The following FCHSD2 variants were observed in gnomAD, a reference collection of about 807,000 sequenced individuals.
The protein encoded by FCHSD2 is FCH and double SH3 domains 2, also known as F-BAR and double SH3 domains protein 2.
Under a neutral mutation model 108.1 loss-of-function variants are expected in FCHSD2, and 38 were observed. The ratio of observed to expected loss-of-function variants is 0.35; its 90% CI spans 0.27 to 0.46. FCHSD2 has a LOEUF of 0.46. Among genes scored for constraint, FCHSD2 ranks in the 20% least tolerant of loss-of-function variants. The probability of loss-of-function intolerance (pLI) is 1.00; values close to 1 mark genes in which losing one functional copy is unlikely to be tolerated. For missense variants in FCHSD2, 751 were observed against 897.8 expected, an observed-to-expected ratio of 0.84 and a Z score of 2.09; for synonymous variants, 279 against 314.7, an observed-to-expected ratio of 0.89 and a Z score of 1.20.
At chr11:73,045,254 A>G (rs1047682803) in intron 3 of FCHSD2, among the ~76,000 whole-genome samples, 1 of 151,822 alleles carries the variant, frequency 6.6e-6, no homozygotes, top group Non-Finnish European at 1.5e-5. Context: ...CGATCATTAA[A>G]AAGTCAGGAA....
At chr11:73,075,333 T>C (rs1198265282) in intron 3 of FCHSD2, among the ~76,000 whole-genome samples, 2 of 152,182 alleles carry the variant, frequency 1.3e-5, no homozygotes, top group Non-Finnish European at 2.9e-5. Flanking sequence ...ATTCATATAG[T>C]CACCAAAAGA....
At chr11:72,911,786 G>A (rs1381451984) in intron 9 of FCHSD2, among the ~76,000 whole-genome samples, 1 of 152,068 alleles carries the variant, frequency 6.6e-6, no homozygotes. Flanking sequence ...GCACAATCCT[G>A]GCTCACTGCA....
intron 3 of FCHSD2, among the ~76,000 whole-genome samples, chr11:73,030,305 A>G (rs980971106): frequency 3.3e-5 from 5 of 152,186 alleles, no homozygotes; most frequent in African/African-American, 1.2e-4. Context: ...AGTATGTATA[A>G]GAGAAAGTTC....
rs544271643 is a variant in FCHSD2, at chr11:72,908,039, C to T, written c.829-5401G>A. On this transcript the variant is annotated intron_variant, in intron 9 of 19. Coordinates refer to ENST00000409418, the MANE Select transcript of FCHSD2 (RefSeq NM_014824.3). Reference sequence around the variant, plus strand: ...CTCCCCCCACATCTGACTACCCTTCCCAGACTCTGGTAAACAACCTTCTAC... The same window carrying T: ...CTCCCCCCACATCTGACTACCCTTCTCAGACTCTGGTAAACAACCTTCTAC... 1.1e-4 allele frequency among the ~76,000 whole-genome samples: 17 copies of T among 152,312 alleles called. No individual in the cohort carries two copies. In the Middle Eastern group the frequency reaches 0.01, roughly 91 times the overall value.
intron 4 of FCHSD2, among the ~76,000 whole-genome samples, chr11:73,014,824 A>G (rs897462571): frequency 6.6e-6 from 1 of 151,974 alleles, no homozygotes; most frequent in Non-Finnish European, 1.5e-5. Context: ...ATACTTCCAA[A>G]TTGACCTCAA....
intron 2 of FCHSD2, among the ~76,000 whole-genome samples, chr11:73,098,900 A>G (rs1860152867): frequency 6.6e-6 from 1 of 152,198 alleles, no homozygotes; most frequent in Non-Finnish European, 1.5e-5. Context: ...ACGAAGAAAA[A>G]ACAGGTAAAA....
At chr11:73,114,484 C>G (rs1305675999) in intron 2 of FCHSD2, among the ~76,000 whole-genome samples, 1 of 152,084 alleles carries the variant, frequency 6.6e-6, no homozygotes, top group Non-Finnish European at 1.5e-5. Context: ...TTTTCCCTCC[C>G]CTTTTCTCAA....
intron 5 of FCHSD2, among the ~76,000 whole-genome samples, chr11:72,992,080 A>G (rs893403270): frequency 8.5e-5 from 13 of 152,244 alleles, no homozygotes; most frequent in Admixed American, 2.6e-4. Context: ...ATACAAAATC[A>G]ATGTGCAAAA....
intron 9 of FCHSD2, 55 bp downstream of exon 9, chr11:72,921,765 TATGCAGAA>T: frequency 1.5e-6 from 2 of 1,374,202 alleles, no homozygotes; most frequent in Non-Finnish European, 2.0e-6. Context: ...ATTTTCTTTG[TATGCAGAA>T]ATACTTTAGC....
chr11:72,849,074 G>C (rs997104185), intron 14 of FCHSD2, among the ~76,000 whole-genome samples: 2 of 152,220 alleles, frequency 1.3e-5, no homozygotes, highest in Admixed American at 6.5e-5. Flanking sequence ...GCTACACAGG[G>C]ATGTGGCGGA....
At chr11:73,027,829 C>T (rs2135447405) in intron 3 of FCHSD2, among the ~76,000 whole-genome samples, 1 of 152,380 alleles carries the variant, frequency 6.6e-6, no homozygotes, top group Admixed American at 6.5e-5. Context: ...CCAGCTCCAG[C>T]CGTGGCTAAA....
chr11:72,879,053 T>A (rs1441667891), intron 12 of FCHSD2, among the ~76,000 whole-genome samples: 1 of 152,032 alleles, frequency 6.6e-6, no homozygotes, highest in Non-Finnish European at 1.5e-5. Context: ...GAGGTTGCAC[T>A]GAGCAGAGAT....
chr11:73,041,044 TATAA>T (rs1858624559), intron 3 of FCHSD2, among the ~76,000 whole-genome samples: 1 of 152,234 alleles, frequency 6.6e-6, no homozygotes, highest in Non-Finnish European at 1.5e-5. Context: ...TCCATGTTGC[TATAA>T]ATGACAGAAT....
intron 2 of FCHSD2, among the ~76,000 whole-genome samples, chr11:73,132,840 A>AC (rs1464323257): frequency 6.6e-6 from 1 of 151,690 alleles, no homozygotes; most frequent in Non-Finnish European, 1.5e-5. Flanking sequence ...AAAAAAAAAA[A>AC]AACCTCAGGT....
chr11:73,113,600 G>A (rs1214155288), intron 2 of FCHSD2, among the ~76,000 whole-genome samples: 1 of 152,046 alleles, frequency 6.6e-6, no homozygotes, highest in Non-Finnish European at 1.5e-5. Context: ...GATGCTTGTG[G>A]ATATTTGTCG....
At chr11:73,110,549 TTTGA>T (rs1860459075) in intron 2 of FCHSD2, among the ~76,000 whole-genome samples, 1 of 152,118 alleles carries the variant, frequency 6.6e-6, no homozygotes, top group South Asian at 2.1e-4. Context: ...CTTTTTCATC[TTTGA>T]TTTTGAGTCT....
At chr11:72,852,112 C>A (rs926014959) in intron 13 of FCHSD2, among the ~76,000 whole-genome samples, 2 of 151,920 alleles carry the variant, frequency 1.3e-5, no homozygotes. Context: ...TGGTCTTGAA[C>A]TCCTGGGTTC....
chr11:72,887,599 T>A lies in FCHSD2; in HGVS notation c.1042-25A>T, dbSNP rs770267064. 6.4e-6 allele frequency: 9 copies of A among 1,397,078 alleles called. No individual in the cohort carries two copies. The African/African-American group carries it at 1.2e-4, about 19-fold the overall frequency. The allele number at this position is 1,397,078 out of a possible 1,614,324, so 86.5% of individuals were successfully genotyped here. ...CCTATTAAAGAAAATGGGACAATAA[T>A]GATGACTGTTTTTTACTTTTCATCT... is the stretch of plus-strand genomic sequence containing the variant. On this transcript the variant is annotated intron_variant, in intron 11 of 19. Coordinates refer to ENST00000409418, the MANE Select transcript of FCHSD2 (RefSeq NM_014824.3).
intron 9 of FCHSD2, among the ~76,000 whole-genome samples, chr11:72,907,116 T>A (rs1185411862): frequency 1.3e-5 from 2 of 152,204 alleles, no homozygotes; most frequent in African/African-American, 4.8e-5. Flanking sequence ...TAATTGTGAA[T>A]GGGAGTTCAC....
Sources: gnomAD v4.1 joint callset for allele counts (sites outside exome capture counted in the v4.1 genomes callset) on GRCh38, gnomAD v4.1.1 for gene constraint, MANE v1.5 for transcripts, NCBI Gene and HGNC (gene_info 2026-07-23, HGNC 2026-07-21) for gene names.